SCAPER: variants seen among roughly 807,000 people sequenced by gnomAD.
The protein encoded by SCAPER is S-phase cyclin A associated protein in the ER, also known as S phase cyclin A-associated protein in the endoplasmic reticulum.
Under a neutral mutation model 182.2 loss-of-function variants are expected in SCAPER, and 98 were observed. That is an observed-to-expected ratio of 0.54 (90% confidence interval 0.46 to 0.64). SCAPER has a LOEUF of 0.64. Ranked by LOEUF, SCAPER falls within the 30% of genes least tolerant of loss-of-function variation. SCAPER has a pLI of 0.00. For missense variants in SCAPER, 1,432 were observed against 1,690.0 expected (o/e 0.85, Z 2.68); for synonymous variants, 605 against 564.6 (o/e 1.07, Z -1.01).
chr15:76,793,173 C>G, intron 8 of SCAPER: 1 of 1,029,580 alleles, frequency 9.7e-7, no homozygotes, highest in Non-Finnish European at 1.4e-6. Context: ...TTTTATAACA[C>G]AAAAATTACA....
intron 20 of SCAPER, among the ~76,000 whole-genome samples, chr15:76,682,264 T>TCCCCCC (rs573661987): frequency 9.2e-5 from 12 of 130,514 alleles, no homozygotes; most frequent in African/African-American, 1.4e-4. Context: ...TCACCTCCCT[T>TCCCCCC]CCCCCCCCCA....
At chr15:76,438,048 C>T (rs930324480) in intron 25 of SCAPER, among the ~76,000 whole-genome samples, 2 of 151,898 alleles carry the variant, frequency 1.3e-5, no homozygotes, top group African/African-American at 2.4e-5. Context: ...TTTGGGAGGC[C>T]GAGGTGGGTG....
intron 17 of SCAPER, among the ~76,000 whole-genome samples, chr15:76,723,010 A>C (rs2060353886): frequency 6.6e-6 from 1 of 151,744 alleles, no homozygotes; most frequent in African/African-American, 2.4e-5. Flanking sequence ...GGTTCTTTTA[A>C]TTGTGATGTT....
At chr15:76,409,431 G>A (rs2045114234) in intron 26 of SCAPER, among the ~76,000 whole-genome samples, 1 of 152,084 alleles carries the variant, frequency 6.6e-6, no homozygotes. Flanking sequence ...AATTTAAAAT[G>A]AGTCCCTTTG....
intron 17 of SCAPER, among the ~76,000 whole-genome samples, chr15:76,707,068 T>C (rs2059302270): frequency 6.6e-6 from 1 of 152,008 alleles, no homozygotes; most frequent in Non-Finnish European, 1.5e-5. Context: ...TTTAACAAAA[T>C]TAATTTAGTT....
At chr15:76,359,213 C>T (rs539838701) in intron 29 of SCAPER, among the ~76,000 whole-genome samples, 474 of 152,038 alleles carry the variant, frequency 3.1e-3, no homozygotes, top group African/African-American at 0.011. Flanking sequence ...CCCTCCCCAT[C>T]ACCCCAGCCC....
intron 5 of SCAPER, among the ~76,000 whole-genome samples, chr15:76,823,797 A>G (rs1221879858): frequency 1.3e-5 from 2 of 152,164 alleles, no homozygotes; most frequent in Non-Finnish European, 2.9e-5. Context: ...TACTAATATA[A>G]TTCAAATTTT....
chr15:76,777,307 T>C (rs1235613852), intron 8 of SCAPER, among the ~76,000 whole-genome samples: 1 of 152,088 alleles, frequency 6.6e-6, no homozygotes, highest in Middle Eastern at 3.2e-3. Context: ...ATAAAGGCAT[T>C]CACAGATAAA....
At chr15:76,837,991 G>A (rs2069104467) in intron 5 of SCAPER, among the ~76,000 whole-genome samples, 1 of 152,162 alleles carries the variant, frequency 6.6e-6, no homozygotes, top group African/African-American at 2.4e-5. Context: ...AAGCAGTTTG[G>A]AGATTTCTCA....
intron 21 of SCAPER, among the ~76,000 whole-genome samples, chr15:76,624,985 C>A (rs979577014): frequency 5.3e-5 from 8 of 152,132 alleles, no homozygotes; most frequent in Admixed American, 3.3e-4. Flanking sequence ...GCAGTCTAAT[C>A]CCCAGGCTTG....
rs10524497 is a variant in SCAPER at position 76,370,291 on chromosome 15, A to ATTTTTT, written c.3855+5865_3855+5870dup. Among the ~76,000 whole-genome samples the ATTTTTT allele has an allele frequency of 7.7e-3, 919 of 119,348 alleles. 56 individuals are homozygous for ATTTTTT. The highest frequency in any genetic ancestry group is 0.032 in the African/African-American group (864 of 27,128). The allele number at this position is 119,348 out of a possible 152,430, so 78.3% of individuals were successfully genotyped here. On this transcript the variant is annotated intron_variant, in intron 29 of 31. Coordinates refer to ENST00000563290, the MANE Select transcript of SCAPER (RefSeq NM_020843.4). The stretch of plus-strand genomic sequence containing the variant: ...GTATAACATATAATTTACCATTTCA[A>ATTTTTT]TTTTTTTTTTTTTTTTTTTTTTTTT...
chr15:76,620,746 T>C (rs2051960006), intron 22 of SCAPER, among the ~76,000 whole-genome samples: 1 of 152,022 alleles, frequency 6.6e-6, no homozygotes, highest in Admixed American at 6.6e-5. Context: ...GCAAAATTAA[T>C]GCAGGAACAG....
chr15:76,713,017 A>C (rs1326090733), intron 17 of SCAPER, among the ~76,000 whole-genome samples: 2 of 152,116 alleles, frequency 1.3e-5, no homozygotes, highest in African/African-American at 2.4e-5. Context: ...GTCTTGTGCC[A>C]GTTTTCAAAG....
intron 7 of SCAPER, among the ~76,000 whole-genome samples, chr15:76,798,586 T>C (rs1247314658): frequency 6.6e-6 from 1 of 151,794 alleles, no homozygotes; most frequent in Non-Finnish European, 1.5e-5. Context: ...AGTATGATAA[T>C]CTCAGAGAGC....
chr15:76,661,291 G>A (rs938968408), intron 21 of SCAPER, among the ~76,000 whole-genome samples: 2 of 151,856 alleles, frequency 1.3e-5, no homozygotes, highest in Admixed American at 6.6e-5. Flanking sequence ...TGATGAAATC[G>A]CCAAAAGCAA....
intron 27 of SCAPER, among the ~76,000 whole-genome samples, chr15:76,383,105 T>TACAC (rs77313356): frequency 0.51 from 77,106 of 149,828 alleles, 20,711 homozygotes; most frequent in Non-Finnish European, 0.6. Flanking sequence ...TGTGTGTAAA[T>TACAC]ACACACACAC....
At position 76,760,774 on chromosome 15, in the gene SCAPER, G is replaced by T. The variant is rs2062727119; in HGVS notation, c.1725+4187C>A. On this transcript the variant is annotated intron_variant, in intron 14 of 31. Coordinates refer to ENST00000563290, the MANE Select transcript of SCAPER (RefSeq NM_020843.4). ...TTATCTGTTGGGAACCAGGGTCAAAGATCACATATTGGAAAAACAATATTA... is the reference window on the plus strand; with the variant it reads ...TTATCTGTTGGGAACCAGGGTCAAATATCACATATTGGAAAAACAATATTA... 2.6e-5 allele frequency among the ~76,000 whole-genome samples: 4 copies of T among 152,174 alleles called. No individual in the cohort carries two copies. In the South Asian group the frequency reaches 8.3e-4, roughly 31 times the overall value.
chr15:76,870,060 T>C (rs569668487), intron 2 of SCAPER, among the ~76,000 whole-genome samples: 15 of 152,100 alleles, frequency 9.9e-5, no homozygotes, highest in Non-Finnish European at 1.0e-4. Flanking sequence ...CATAAAGATA[T>C]AGAGTAGACT....
intron 15 of SCAPER, among the ~76,000 whole-genome samples, chr15:76,743,730 T>C (rs372302010): frequency 6.6e-6 from 1 of 152,180 alleles, no homozygotes; most frequent in Non-Finnish European, 1.5e-5. Context: ...AATTTACAGA[T>C]TTGATGCTAT....
Sources: gnomAD v4.1 joint callset for allele counts (sites outside exome capture counted in the v4.1 genomes callset) on GRCh38, gnomAD v4.1.1 for gene constraint, MANE v1.5 for transcripts, NCBI Gene and HGNC (gene_info 2026-07-23, HGNC 2026-07-21) for gene names.